Variants in ASNS observed in about 807,000 individuals in gnomAD.
ASNS encodes the protein asparagine synthetase [glutamine-hydrolyzing].
ASNS carries 37 observed loss-of-function variants against 62.6 expected under a neutral mutation model. That is an observed-to-expected ratio of 0.59 (90% CI 0.45 to 0.78). ASNS has a LOEUF of 0.78. ASNS is among the 30% of genes least tolerant of loss of function. The pLI, the probability that ASNS is intolerant of heterozygous loss-of-function variation, is 0.00. For missense variants in ASNS, 520 were observed against 682.4 expected (o/e 0.76, Z 2.65); for synonymous variants, 207 against 237.9 (o/e 0.87, Z 1.19).
At chr7:97,872,849 C>T (rs2115793377), upstream of ASNS, among the ~76,000 whole-genome samples, 1 of 152,344 alleles carries the variant, frequency 6.6e-6, no homozygotes, top group African/African-American at 2.4e-5. Context: ...GCCTGTAATC[C>T]CAACACTTTG....
chr7:97,915,525 T>C, the ASNS span, among the ~76,000 whole-genome samples: 3 of 152,244 alleles, frequency 2.0e-5, no homozygotes, highest in South Asian at 6.2e-4. Flanking sequence ...AGGGGAAGGA[T>C]GACACGCACA....
chr7:97,911,540 G>A, the ASNS span, among the ~76,000 whole-genome samples: 3 of 151,122 alleles, frequency 2.0e-5, no homozygotes, highest in African/African-American at 7.3e-5. Flanking sequence ...TACTCAGGAG[G>A]CTGAGGTGGG....
At chr7:97,869,389 A>T (rs1431231744) in intron 2 of ASNS, among the ~76,000 whole-genome samples, 2 of 152,208 alleles carry the variant, frequency 1.3e-5, no homozygotes, top group African/African-American at 2.4e-5. Flanking sequence ...AGTGACCTCT[A>T]CATTCAACCG....
chr7:97,883,518 A>G, the ASNS span, among the ~76,000 whole-genome samples: 35 of 151,990 alleles, frequency 2.3e-4, no homozygotes, highest in African/African-American at 8.2e-4. Flanking sequence ...ACCACTATAA[A>G]CCAAGCCACC....
chr7:97,852,417 G>A lies in ASNS; in HGVS notation c.1528C>T (p.Pro510Ser). Residue 510 changes from proline to serine, a missense_variant, in exon 13 of 13, where the codon CCT becomes TCT. Transcript: ENST00000394308. ...TAGTAATATCCTTCTTTGGTTTTAG[G>A]AGTATTGAAGGGAAATTTCTGGGCT... ...NAAQKFPFNT[P>S]KTKEGYYYRQ... The A allele has an allele frequency of 6.2e-7, 1 of 1,614,150 alleles. No homozygotes were observed.
chr7:97,914,188 A>G, the ASNS span, among the ~76,000 whole-genome samples: 2 of 151,326 alleles, frequency 1.3e-5, no homozygotes, highest in African/African-American at 4.9e-5. Context: ...GGATGGATGG[A>G]TGGATGGATG....
At chr7:97,907,773 A>AG in the ASNS span, among the ~76,000 whole-genome samples, 1 of 151,670 alleles carries the variant, frequency 6.6e-6, no homozygotes, top group Non-Finnish European at 1.5e-5. Context: ...CATCTCAAAA[A>AG]AAAAAAAAGC....
At chr7:97,911,798 A>G in the ASNS span, among the ~76,000 whole-genome samples, 2 of 151,906 alleles carry the variant, frequency 1.3e-5, no homozygotes, top group Non-Finnish European at 2.9e-5. Flanking sequence ...GGAGGCTGAC[A>G]CTGTGGACTC....
At chr7:97,870,576 A>C (rs1792207629) in intron 1 of ASNS, among the ~76,000 whole-genome samples, 1 of 152,242 alleles carries the variant, frequency 6.6e-6, no homozygotes, top group East Asian at 1.9e-4. Flanking sequence ...ATGAAGTACC[A>C]CATGTCCTAT....
At chr7:97,859,754 ATGAAC>A (rs1435598914) in intron 4 of ASNS, among the ~76,000 whole-genome samples, 2 of 152,192 alleles carry the variant, frequency 1.3e-5, no homozygotes, top group Non-Finnish European at 2.9e-5. Flanking sequence ...AAGCAAAGGG[ATGAAC>A]TGGAGTCCTA....
chr7:97,889,789 A>G, the ASNS span, among the ~76,000 whole-genome samples: 37 of 152,058 alleles, frequency 2.4e-4, no homozygotes, highest in African/African-American at 8.2e-4. Context: ...AAAAGGAAAC[A>G]TAACATCTCC....
the ASNS span, chr7:97,908,144 T>C: frequency 6.6e-6 from 1 of 152,170 alleles, no homozygotes. Flanking sequence ...GAAGTAGAAG[T>C]GCTAATGCCC....
At chr7:97,888,516 T>C in the ASNS span, among the ~76,000 whole-genome samples, 7 of 152,204 alleles carry the variant, frequency 4.6e-5, no homozygotes, top group Non-Finnish European at 7.4e-5. Flanking sequence ...TAGGCTACGA[T>C]GGCACCACTG....
chr7:97,903,624 G>C, the ASNS span, among the ~76,000 whole-genome samples: 1 of 152,184 alleles, frequency 6.6e-6, no homozygotes, highest in Non-Finnish European at 1.5e-5. Flanking sequence ...CTCTAGGAAA[G>C]AGAGATGGAC....
chr7:97,927,367 T>C, the ASNS span, among the ~76,000 whole-genome samples: 4 of 152,206 alleles, frequency 2.6e-5, no homozygotes, highest in African/African-American at 9.7e-5. Context: ...GAGCATCCCT[T>C]AATCTCAGCA....
chr7:97,873,188 C>T (rs1792361485), upstream of ASNS, among the ~76,000 whole-genome samples: 2 of 152,224 alleles, frequency 1.3e-5, no homozygotes, highest in Non-Finnish European at 2.9e-5. Flanking sequence ...CAACTTGCCT[C>T]CACAAGATGA....
At chr7:97,923,641 C>T in the ASNS span, among the ~76,000 whole-genome samples, 1 of 152,188 alleles carries the variant, frequency 6.6e-6, no homozygotes, top group Non-Finnish European at 1.5e-5. Flanking sequence ...GTCTCCAGCC[C>T]AAACCTGCCT....
the ASNS span, among the ~76,000 whole-genome samples, chr7:97,896,619 CATATATATATGTATATAT>C: frequency 6.4e-5 from 8 of 125,480 alleles, no homozygotes; most frequent in Admixed American, 4.7e-4. Flanking sequence ...AAAAAAACCA[CATATATATATGTATATAT>C]ATATATATGT....
the ASNS span, among the ~76,000 whole-genome samples, chr7:97,901,991 C>A: frequency 6.6e-6 from 1 of 151,898 alleles, no homozygotes; most frequent in African/African-American, 2.4e-5. Context: ...AAAAAAAAAA[C>A]CCTTAAGTGT....
Sources: allele counts gnomAD v4.1 joint callset (sites outside exome capture counted in the v4.1 genomes callset), GRCh38; gene constraint gnomAD v4.1.1; transcripts MANE v1.5; gene names NCBI Gene and HGNC (gene_info 2026-07-23, HGNC 2026-07-21).